CTNND2: variants seen among roughly 807,000 people sequenced by gnomAD.
The protein encoded by CTNND2 is catenin delta 2, also known as catenin delta-2.
In CTNND2, 22 loss-of-function variants were observed where a neutral mutation model predicts 144.4. The ratio of observed to expected loss-of-function variants is 0.15; its 90% CI spans 0.11 to 0.22. The LOEUF (loss-of-function observed/expected upper bound fraction) is 0.22. Ranked by LOEUF, CTNND2 falls within the 10% of genes least tolerant of loss-of-function variation. CTNND2 has a pLI of 1.00. For missense variants in CTNND2, 1,353 were observed against 1,618.8 expected, an observed-to-expected ratio of 0.84 and a Z score of 2.82; for synonymous variants, 751 against 695.6, an observed-to-expected ratio of 1.08 and a Z score of -1.25.
chr5:11,267,803 T>C (rs1229812934), intron 9 of CTNND2, among the ~76,000 whole-genome samples: 1 of 152,230 alleles, frequency 6.6e-6, no homozygotes, highest in East Asian at 1.9e-4. Context: ...GTGGCATTAA[T>C]GTTCTTACTA....
intron 6 of CTNND2, among the ~76,000 whole-genome samples, chr5:11,391,754 T>G (rs970868967): frequency 4.6e-5 from 7 of 152,154 alleles, no homozygotes; most frequent in African/African-American, 1.7e-4. Flanking sequence ...AAAGAAGAGA[T>G]AGCTTCTATG....
chr5:11,580,573 G>A (rs746030049), intron 2 of CTNND2, among the ~76,000 whole-genome samples: 1 of 152,066 alleles, frequency 6.6e-6, no homozygotes, highest in Admixed American at 6.6e-5. Flanking sequence ...TTAAAGTCTC[G>A]TAGAATTTTA....
chr5:11,542,212 T>C (rs1774825146), intron 3 of CTNND2, among the ~76,000 whole-genome samples: 1 of 152,152 alleles, frequency 6.6e-6, no homozygotes, highest in Admixed American at 6.5e-5. Context: ...CCCTGCATCA[T>C]GCTGCAGGGA....
Position 11,611,702 on chromosome 5 carries a change from C to T in CTNND2, c.175-46646G>A, listed in dbSNP as rs145853431. On this transcript the variant is annotated intron_variant, in intron 2 of 21. Transcript: ENST00000304623. ...CTGAGGCAGGAGAATCGCTGGAACC[C>T]GGGAGGCCGAGGCTGCAGTGAGCCG... is the stretch of plus-strand genomic sequence containing the variant. 8.0e-3 allele frequency among the ~76,000 whole-genome samples: 1,221 copies of T among 152,230 alleles called. 16 individuals carry two copies. Among genetic ancestry groups the T allele is most frequent in the African/African-American group, 0.028 (1,164 of 41,544 alleles).
chr5:11,223,360 T>C (rs554174562), intron 10 of CTNND2, among the ~76,000 whole-genome samples: 1 of 152,194 alleles, frequency 6.6e-6, no homozygotes, highest in East Asian at 1.9e-4. Context: ...CCAAGGCAAG[T>C]CACCAGCTCA....
chr5:11,150,757 G>A (rs538875848), intron 12 of CTNND2, among the ~76,000 whole-genome samples: 1 of 151,668 alleles, frequency 6.6e-6, no homozygotes, highest in East Asian at 1.9e-4. Context: ...CTCCTGAGTA[G>A]CTGGGATTAC....
chr5:11,371,637 T>C (rs1166546557), intron 7 of CTNND2, among the ~76,000 whole-genome samples: 1 of 152,184 alleles, frequency 6.6e-6, no homozygotes, highest in African/African-American at 2.4e-5. Flanking sequence ...AAACTTAAAT[T>C]TGCTATTTAA....
intron 3 of CTNND2, among the ~76,000 whole-genome samples, chr5:11,443,213 T>C (rs1581207085): frequency 1.5e-5 from 2 of 136,734 alleles, no homozygotes; most frequent in East Asian, 4.5e-4. Flanking sequence ...TGTGTATGTG[T>C]GTGTGGTGTG....
chr5:11,898,314 T>C (rs2126332617), intron 1 of CTNND2, among the ~76,000 whole-genome samples: 1 of 152,380 alleles, frequency 6.6e-6, no homozygotes, highest in East Asian at 1.9e-4. Context: ...ACTATATACC[T>C]TTCTGTGGTT....
intron 11 of CTNND2, among the ~76,000 whole-genome samples, chr5:11,186,595 C>T (rs1022990741): frequency 6.6e-6 from 1 of 152,194 alleles, no homozygotes; most frequent in Non-Finnish European, 1.5e-5. Context: ...ACATCCATGT[C>T]TCCTAATCCT....
intron 3 of CTNND2, among the ~76,000 whole-genome samples, chr5:11,528,274 G>C (rs1249143400): frequency 6.6e-6 from 1 of 152,150 alleles, no homozygotes; most frequent in Non-Finnish European, 1.5e-5. Context: ...GAAGCTTTTG[G>C]AGTTGAGATA....
At chr5:11,774,750 T>C (rs1790157508) in intron 1 of CTNND2, among the ~76,000 whole-genome samples, 1 of 152,068 alleles carries the variant, frequency 6.6e-6, no homozygotes, top group African/African-American at 2.4e-5. Context: ...ACCATTTTAT[T>C]AGTACGATTT....
chr5:11,366,243 A>G (rs1756968392), intron 7 of CTNND2, among the ~76,000 whole-genome samples: 1 of 152,206 alleles, frequency 6.6e-6, no homozygotes, highest in African/African-American at 2.4e-5. Context: ...AGCCATTGTA[A>G]AGTTTTAAAA....
intron 1 of CTNND2, among the ~76,000 whole-genome samples, chr5:11,835,483 T>C (rs563327253): frequency 6.6e-6 from 1 of 152,322 alleles, no homozygotes; most frequent in Non-Finnish European, 1.5e-5. Flanking sequence ...AAATTATGAG[T>C]TCAATTTCCT....
intron 2 of CTNND2, among the ~76,000 whole-genome samples, chr5:11,707,144 G>A (rs979874273): frequency 4.0e-5 from 6 of 151,796 alleles, no homozygotes; most frequent in Non-Finnish European, 1.5e-5. Flanking sequence ...TTTTGACAAC[G>A]TGTGACTGCA....
intron 2 of CTNND2, among the ~76,000 whole-genome samples, chr5:11,669,741 C>G (rs1404984088): frequency 6.6e-6 from 1 of 151,602 alleles, no homozygotes; most frequent in Non-Finnish European, 1.5e-5. Flanking sequence ...TTTTGTGTCT[C>G]TATCTCCTTC....
chr5:11,079,665 T>C (rs1265233892), intron 16 of CTNND2, among the ~76,000 whole-genome samples: 3 of 152,062 alleles, frequency 2.0e-5, no homozygotes, highest in Non-Finnish European at 2.9e-5. Context: ...TGGATTCTTT[T>C]CCCCCCAAAT....
At chr5:11,792,662 T>C (rs1311257996) in intron 1 of CTNND2, among the ~76,000 whole-genome samples, 1 of 152,264 alleles carries the variant, frequency 6.6e-6, no homozygotes, top group African/African-American at 2.4e-5. Context: ...CATGGCTTTT[T>C]ATAAAATTAC....
intron 9 of CTNND2, among the ~76,000 whole-genome samples, chr5:11,309,764 A>C (rs1205266567): frequency 6.6e-6 from 1 of 152,128 alleles, no homozygotes; most frequent in East Asian, 1.9e-4. Flanking sequence ...CGTTGCTCAA[A>C]ATCTTGTGTC....
Sources: allele counts gnomAD v4.1 joint callset (sites outside exome capture counted in the v4.1 genomes callset), GRCh38; gene constraint gnomAD v4.1.1; transcripts MANE v1.5; gene names NCBI Gene and HGNC (gene_info 2026-07-23, HGNC 2026-07-21).